TMEFF2: variants seen among roughly 807,000 people sequenced by gnomAD.
TMEFF2 encodes transmembrane protein with EGF like and two follistatin like domains 2, also known as tomoregulin-2.
In TMEFF2, 28 loss-of-function variants were observed where a neutral mutation model predicts 53.8. The observed-to-expected ratio is 0.52, with a 90% CI of 0.39 to 0.71. TMEFF2 has a LOEUF of 0.71. Ranked by LOEUF, TMEFF2 falls within the 30% of genes least tolerant of loss-of-function variation. The pLI, the probability that TMEFF2 is intolerant of heterozygous loss-of-function variation, is 0.00. For synonymous variants in TMEFF2, 162 were observed against 166.3 expected, an observed-to-expected ratio of 0.97 and a Z score of 0.20; for missense variants, 353 against 455.2, an observed-to-expected ratio of 0.78 and a Z score of 2.04.
intron 7 of TMEFF2, among the ~76,000 whole-genome samples, chr2:191,962,764 T>C (rs1423252613): frequency 3.3e-5 from 5 of 152,210 alleles, no homozygotes; most frequent in Non-Finnish European, 7.3e-5. Flanking sequence ...TATTATTAAT[T>C]GCAAAATAAG....
intron 4 of TMEFF2, among the ~76,000 whole-genome samples, chr2:192,100,908 T>G (rs1689017886): frequency 6.6e-6 from 1 of 152,204 alleles, no homozygotes; most frequent in African/African-American, 2.4e-5. Flanking sequence ...ATTTGCAACT[T>G]ATTTGCACAA....
rs183080397 is a variant in TMEFF2 at position 192,062,877 on chromosome 2, C to T, written c.440-5102G>A. Among the ~76,000 whole-genome samples the T allele has an allele frequency of 2.6e-3, 396 of 151,890 alleles. 1 individual carries two copies. The highest frequency in any genetic ancestry group is 9.2e-3 in the African/African-American group (383 of 41,450). The stretch of plus-strand genomic sequence containing the variant: ...TGAAATGGGCTGAAAATTGTTCCCA[C>T]GTCTGCTATTTTATGAGAGTTTGTG... On this transcript the variant is annotated intron_variant, in intron 4 of 9. Coordinates refer to ENST00000272771, the MANE Select transcript of TMEFF2 (RefSeq NM_016192.4).
At chr2:192,179,390 C>T (rs1559159802) in intron 4 of TMEFF2, 1 of 354,846 alleles carries the variant, frequency 2.8e-6, no homozygotes, top group Non-Finnish European at 5.2e-6. Flanking sequence ...GAAGTTTTTA[C>T]ATTATGCCTA....
rs1688919151 is a variant in TMEFF2, at chr2:192,096,723, C to G, written c.440-38948G>C. Among the ~76,000 whole-genome samples the G allele has an allele frequency of 2.6e-5, 3 of 117,410 alleles. No homozygotes were observed. The South Asian group carries it at 8.6e-4, about 34-fold the overall frequency. 77.0% of individuals were successfully genotyped at this position (117,410 alleles called of 152,430 possible). On this transcript the variant is annotated intron_variant, in intron 4 of 9. Coordinates refer to ENST00000272771, the MANE Select transcript of TMEFF2 (RefSeq NM_016192.4). ...TGGAGTTTCGCTTTTATTGCCCAGG[C>G]TGGAGTGCAGTGGTACAATCTCAGC...
At chr2:191,957,098 G>C (rs1324876406) in intron 7 of TMEFF2, among the ~76,000 whole-genome samples, 1 of 152,162 alleles carries the variant, frequency 6.6e-6, no homozygotes, top group Non-Finnish European at 1.5e-5. Context: ...AATAAACGTG[G>C]ATTCTAAAGT....
intron 4 of TMEFF2, among the ~76,000 whole-genome samples, chr2:192,093,824 A>G (rs1463161018): frequency 6.6e-6 from 1 of 151,464 alleles, no homozygotes; most frequent in African/African-American, 2.4e-5. Flanking sequence ...ATATTTCTTA[A>G]AAAAAAAAGA....
At chr2:192,015,308 C>T (rs1482682216) in intron 5 of TMEFF2, among the ~76,000 whole-genome samples, 183 of 76,204 alleles carry the variant, frequency 2.4e-3, no homozygotes, top group Middle Eastern at 0.016. Flanking sequence ...ATCACTGAAG[C>T]TTTTTTTTTT....
At chr2:192,164,978 C>CTGTGTGTGTGTGTGTGTGTGTGTGTGTG in intron 4 of TMEFF2, among the ~76,000 whole-genome samples, 1 of 145,112 alleles carries the variant, frequency 6.9e-6, no homozygotes, top group Non-Finnish European at 1.5e-5. Flanking sequence ...TGAATAAAAA[C>CTGTGTGTGTGTGTGTGTGTGTGTGTGTG]TGTGTGTGTG....
chr2:192,185,029 T>C (rs1048039822), intron 2 of TMEFF2, among the ~76,000 whole-genome samples: 21 of 152,170 alleles, frequency 1.4e-4, no homozygotes, highest in African/African-American at 5.1e-4. Flanking sequence ...GATTTACTTA[T>C]TTTTATACCT....
intron 4 of TMEFF2, among the ~76,000 whole-genome samples, chr2:192,118,732 A>G (rs965386208): frequency 6.6e-6 from 1 of 152,202 alleles, no homozygotes; most frequent in Non-Finnish European, 1.5e-5. Context: ...TAAAATGTCC[A>G]TAAAGTAAGT....
rs1022719572 is a variant in TMEFF2 at position 192,194,410 on chromosome 2, C to A, written c.115G>T (p.Ala39Ser). 3.7e-6 allele frequency: 6 copies of A among 1,614,078 alleles called. No homozygotes were observed. The highest frequency in any genetic ancestry group is 5.1e-6 in the Non-Finnish European group (6 of 1,180,004). The change falls in exon 1 of 10, where the codon GCT becomes TCT. Residue 39 changes from alanine (A) to serine (S), a missense_variant. Transcript: ENST00000272771. This position sits in a 1 kb window ranked among gnomAD's most constrained non-coding sequence, Gnocchi z 4.2. ...LLIVARPVKL[A>S]AFPTSLSDCQ... ...TCACTTAAGGAGGTAGGGAAAGCAG[C>A]GAGCTTCACCGGGCGGGCTACGATG...
intron 4 of TMEFF2, among the ~76,000 whole-genome samples, chr2:192,116,403 T>C (rs950931000): frequency 1.3e-5 from 2 of 152,002 alleles, no homozygotes; most frequent in Non-Finnish European, 2.9e-5. Flanking sequence ...AGAGACAAAA[T>C]GTACAGCATC....
intron 7 of TMEFF2, among the ~76,000 whole-genome samples, chr2:191,966,277 A>T (rs1692468966): frequency 6.6e-6 from 1 of 152,182 alleles, no homozygotes; most frequent in Non-Finnish European, 1.5e-5. Context: ...GGAGAAGTGG[A>T]GCCAGAGAAG....
At position 191,988,097 on chromosome 2, in the gene TMEFF2, T is replaced by C. The variant is rs146494234; in HGVS notation, c.745+10165A>G. On this transcript the variant is annotated intron_variant, in intron 7 of 9. Coordinates refer to ENST00000272771, the MANE Select transcript of TMEFF2 (RefSeq NM_016192.4). ...AACAACCAGCTTCAATATTAGAATA[T>C]AGCACTGACAATCTACTTAGACACA... 2.0e-3 allele frequency among the ~76,000 whole-genome samples: 308 copies of C among 152,324 alleles called. 2 individuals carry two copies. The highest frequency in any genetic ancestry group is 7.0e-3 in the African/African-American group (293 of 41,578).
intron 4 of TMEFF2, among the ~76,000 whole-genome samples, chr2:192,134,171 C>G (rs1358646146): frequency 6.6e-6 from 1 of 152,208 alleles, no homozygotes. Context: ...TTCCTCACAC[C>G]TGACGCATAT....
chr2:192,104,464 A>G (rs1023439250), intron 4 of TMEFF2, among the ~76,000 whole-genome samples: 8 of 152,132 alleles, frequency 5.3e-5, no homozygotes, highest in Admixed American at 3.9e-4. Flanking sequence ...AACTCATTAC[A>G]TTGTATACTC....
chr2:192,062,080 A>T (rs1282041490), intron 4 of TMEFF2, among the ~76,000 whole-genome samples: 1 of 8,694 alleles, frequency 1.2e-4, no homozygotes, highest in Non-Finnish European at 6.8e-3. Flanking sequence ...GCCTTTAATT[A>T]GTGTTGAGTG....
In TMEFF2 at chr2:192,112,061, C is replaced by T. The variant is rs1039998728; in HGVS notation, c.440-54286G>A. 7.2e-5 allele frequency among the ~76,000 whole-genome samples: 11 copies of T among 152,186 alleles called. 1 individual carries two copies. Among genetic ancestry groups the T allele is most frequent in the Admixed American group, 2.0e-4 (3 of 15,270 alleles). On this transcript the variant is annotated intron_variant, in intron 4 of 9. Coordinates refer to ENST00000272771, the MANE Select transcript of TMEFF2 (RefSeq NM_016192.4). ...CTCATGAGAACCTCTGCTAGAGCAG[C>T]GCAGAAGAAAAATGTGGGGTTACAG... is the stretch of plus-strand genomic sequence containing the variant.
At position 192,096,941 on chromosome 2, in the gene TMEFF2, G is replaced by A. The variant is rs185654216; in HGVS notation, c.440-39166C>T. On this transcript the variant is annotated intron_variant, in intron 4 of 9. Coordinates refer to ENST00000272771, the MANE Select transcript of TMEFF2 (RefSeq NM_016192.4). The stretch of plus-strand genomic sequence containing the variant: ...TCCGTCTGCCACGGCCTCCCAAAGT[G>A]CTGGGATTACAGGCATGAGCCACCA... Among the ~76,000 whole-genome samples, 210 of 152,078 alleles carry A rather than the reference G, an allele frequency of 1.4e-3. 1 individual carries two copies. The highest frequency in any genetic ancestry group is 4.9e-3 in the African/African-American group (205 of 41,476).
Sources: gnomAD v4.1 joint callset for allele counts (sites outside exome capture counted in the v4.1 genomes callset) on GRCh38, gnomAD v4.1.1 for gene constraint, Gnocchi (gnomAD v3.1) non-coding constraint, MANE v1.5 for transcripts, NCBI Gene and HGNC (gene_info 2026-07-23, HGNC 2026-07-21) for gene names.